The following FOXN4 variants were observed in gnomAD, a reference collection of about 807,000 sequenced individuals.
FOXN4 encodes the protein forkhead box protein N4.
A neutral mutation model predicts 45.0 loss-of-function variants in FOXN4; 12 were observed. The ratio of observed to expected loss-of-function variants is 0.27; its 90% CI spans 0.17 to 0.43. The LOEUF (loss-of-function observed/expected upper bound fraction) is 0.43. Ranked by LOEUF, FOXN4 falls within the 20% of genes least tolerant of loss-of-function variation. The probability of loss-of-function intolerance (pLI) is 1.00; values close to 1 mark genes in which losing one functional copy is unlikely to be tolerated. For synonymous variants in FOXN4, 297 were observed against 295.0 expected (o/e 1.01, Z -0.07); for missense variants, 560 against 694.9 (o/e 0.81, Z 2.18).
chr12:109,285,372 A>G lies in FOXN4; in HGVS notation c.833T>C (p.Met278Thr). Residue 278 changes from methionine (M) to threonine (T), a missense_variant, in exon 8 of 10, where the codon ATG becomes ACG. Around this residue, in one of 5 missense-constraint regions of FOXN4, gnomAD observed 315 missense variants for 350.5 expected, o/e 0.90. Transcript: ENST00000299162. ...CTTCCACTTGTGCATCTCCTCCTCC[A>G]TCTTGTCGATGCGGGCCAGGTTCAG... ...WALNLARIDK[M>T]EEEMHKWKRK... 20 of 1,613,674 alleles carry G rather than the reference A, an allele frequency of 1.2e-5. No individual in the cohort carries two copies. Among genetic ancestry groups the G allele is most frequent in the Non-Finnish European group, 1.7e-5 (20 of 1,179,858 alleles).
chr12:109,300,181 C>G (rs2047857019), intron 2 of FOXN4, among the ~76,000 whole-genome samples: 1 of 152,182 alleles, frequency 6.6e-6, no homozygotes, highest in Non-Finnish European at 1.5e-5. Context: ...GTGAAGACAG[C>G]CAACAGCAGG....
At position 109,290,010 on chromosome 12, in the gene FOXN4, CAG is replaced by C; in HGVS notation, c.232+129_232+130del. The stretch of plus-strand genomic sequence containing the variant: ...GGAAGGGAGCATTTGTCCCATTTTA[CAG>C]ATGCAGAAAGAGAGGCCCAGAGAGA... On this transcript the variant is annotated intron_variant, in intron 3 of 9. Transcript: ENST00000299162. This position sits in a 1 kb window ranked among gnomAD's most constrained non-coding sequence, Gnocchi z 5.1. 9.0e-7 allele frequency: 1 copy of C among 1,117,294 alleles called. No individual in the cohort carries two copies. The highest frequency in any genetic ancestry group is 1.2e-6 in the Non-Finnish European group (1 of 822,312). 69.2% of individuals were successfully genotyped at this position (1,117,294 alleles called of 1,614,324 possible).
rs1442050263 is a variant in FOXN4, at chr12:109,308,333, A to G, written c.-3-9T>C. ...TCACTTTCTATCATCTCCTTGGGAA[A>G]AGACAAGCAGAAAACAAAGCTCCCA... On this transcript the variant is annotated splice_polypyrimidine_tract_variant and intron_variant, in intron 1 of 9. Coordinates refer to ENST00000299162, the MANE Select transcript of FOXN4 (RefSeq NM_213596.3). 1 of 1,548,048 alleles carries G rather than the reference A, an allele frequency of 6.5e-7. No homozygotes were observed. The highest frequency in any genetic ancestry group is 2.4e-5 in the East Asian group (1 of 40,892).
rs761237474 is a variant in FOXN4 at position 109,285,392 on chromosome 12, G to A, written c.813C>T (p.Asn271=). The A allele has an allele frequency of 3.7e-6, 6 of 1,613,992 alleles. No homozygotes were observed. Residue 271 remains asparagine (N), a synonymous_variant, in exon 8 of 10, where the codon AAC becomes AAT. Coordinates refer to ENST00000299162, the MANE Select transcript of FOXN4 (RefSeq NM_213596.3). ...CCTCCATCTTGTCGATGCGGGCCAGGTTCAGAGCCCACAGGCAGCCCTTGC... is the reference window on the plus strand; with the variant it reads ...CCTCCATCTTGTCGATGCGGGCCAGATTCAGAGCCCACAGGCAGCCCTTGC... The part of the protein sequence containing the change: ...SSRKGCLWAL[N]LARIDKMEEE...
intron 8 of FOXN4, 44 bp downstream of exon 8, chr12:109,285,244 CGTGTGTGTGTGTGTGT>C: frequency 2.2e-6 from 3 of 1,353,236 alleles, no homozygotes; most frequent in Non-Finnish European, 3.0e-6. Context: ...CTTCCTCTTC[CGTGTGTGTGTGTGTGT>C]GTGTGTGTGT....
At chr12:109,299,252 T>G (rs2047845912) in intron 2 of FOXN4, among the ~76,000 whole-genome samples, 1 of 152,172 alleles carries the variant, frequency 6.6e-6, no homozygotes, top group Non-Finnish European at 1.5e-5. Context: ...TTCTTGCTTT[T>G]CAAAGCTCAG....
chr12:109,290,294 G>A lies in FOXN4; in HGVS notation c.87-8C>T. The A allele has an allele frequency of 6.5e-7, 1 of 1,540,044 alleles. No individual in the cohort carries two copies. The highest frequency in any genetic ancestry group is 8.8e-7 in the Non-Finnish European group (1 of 1,139,560). ...CTGGTGGTGGCTAGAAGCCTGCAAAGAGGAACAGAGAACTCGGGCGGGAGG... is the reference window on the plus strand; with the variant it reads ...CTGGTGGTGGCTAGAAGCCTGCAAAAAGGAACAGAGAACTCGGGCGGGAGG... On this transcript the variant is annotated splice_polypyrimidine_tract_variant and splice_region_variant and intron_variant, in intron 2 of 9. Coordinates refer to ENST00000299162, the MANE Select transcript of FOXN4 (RefSeq NM_213596.3). The surrounding 1 kb of genome is among the most constrained non-coding windows in gnomAD (Gnocchi z 5.1).
In FOXN4 at chr12:109,290,819, G is replaced by A. The variant is rs1398107615; in HGVS notation, c.87-533C>T. ...TGTGAGGAACATGGAACTTGGGAAC[G>A]GTCTGCGTGGATGATCCTGCCATGT... is the stretch of plus-strand genomic sequence containing the variant. On this transcript the variant is annotated intron_variant, in intron 2 of 9. Coordinates refer to ENST00000299162, the MANE Select transcript of FOXN4 (RefSeq NM_213596.3). The surrounding 1 kb of genome is among the most constrained non-coding windows in gnomAD (Gnocchi z 5.1). 1.3e-5 allele frequency among the ~76,000 whole-genome samples: 2 copies of A among 152,188 alleles called. No homozygotes were observed. Among genetic ancestry groups the A allele is most frequent in the Non-Finnish European group, 2.9e-5 (2 of 68,036 alleles).
rs1279664702 is a variant in FOXN4, at chr12:109,278,068, AGTTTCAACATCTTAT to A, written c.*1588_*1602del. The A allele has an allele frequency of 6.6e-6, 1 of 152,260 alleles. No individual in the cohort carries two copies. Among genetic ancestry groups the A allele is most frequent in the African/African-American group, 2.4e-5 (1 of 41,470 alleles). 9.4% of individuals were successfully genotyped at this position (152,260 alleles called of 1,614,324 possible). On this transcript the variant is annotated 3_prime_UTR_variant, in exon 10 of 10. Transcript: ENST00000299162. The stretch of plus-strand genomic sequence containing the variant: ...CAAACACGGAGTCTTTGTGAATAAC[AGTTTCAACATCTTAT>A]CAGGGGTCATGTTACACAAAGCAGA...
Position 109,281,519 on chromosome 12 carries a change from C to T in FOXN4, c.1182G>A (p.Pro394=), listed in dbSNP as rs539120607. Residue 394 remains proline, a synonymous_variant, in exon 9 of 10, where the codon CCG becomes CCA. Transcript: ENST00000299162. ...CCCTTCCCATGGCGGGGTGGGGGAG[C>T]GGGCTGGGGCTGAGGTCCGGCAGGG... The part of the protein sequence containing the change: ...LHALPDLSPS[P]LPHPAMGRAP... The T allele has an allele frequency of 6.6e-5, 107 of 1,613,632 alleles. No homozygotes were observed. The South Asian group carries it at 7.9e-4, about 12-fold the overall frequency.
intron 2 of FOXN4, among the ~76,000 whole-genome samples, chr12:109,294,995 C>T (rs1005863913): frequency 6.6e-6 from 1 of 152,226 alleles, no homozygotes; most frequent in Non-Finnish European, 1.5e-5. Flanking sequence ...TCTGGAACCA[C>T]CCATTCTGGC....
In FOXN4 at chr12:109,281,735, T is replaced by C. The variant is rs1313588812; in HGVS notation, c.966A>G (p.Glu322=). Residue 322 remains glutamate, a synonymous_variant, in exon 9 of 10, where the codon GAA becomes GAG. Transcript: ENST00000299162. ...ESCRRPGKPG[E]PEAPVLTHAT... ...CGTGAGTCAGCACGGGGGCCTCTGG[T>C]TCCCCCGGTTTGCCGGGGCGCCGGC... The C allele has an allele frequency of 3.1e-6, 5 of 1,607,412 alleles. No homozygotes were observed. The highest frequency in any genetic ancestry group is 2.2e-5 in the East Asian group (1 of 44,762).
rs868518430 is a variant in FOXN4 at position 109,287,970 on chromosome 12, A to C, written c.358-16T>G. The C allele has an allele frequency of 1.1e-5, 17 of 1,549,612 alleles. 1 individual carries two copies. In the Middle Eastern group the frequency reaches 2.5e-3, roughly 230 times the overall value. ...ACTGGCTCATCTGCTGGGCAGGAAGAGGAGGAGACAGAGGGTCACGGTGGG... is the reference window on the plus strand; with the variant it reads ...ACTGGCTCATCTGCTGGGCAGGAAGCGGAGGAGACAGAGGGTCACGGTGGG... On this transcript the variant is annotated splice_polypyrimidine_tract_variant and intron_variant, in intron 4 of 9. Coordinates refer to ENST00000299162, the MANE Select transcript of FOXN4 (RefSeq NM_213596.3). The surrounding 1 kb of genome is among the most constrained non-coding windows in gnomAD (Gnocchi z 4.1).
chr12:109,304,278 AGAAAGAAAGAAAGAAAG>A (rs1211127163), intron 2 of FOXN4, among the ~76,000 whole-genome samples: 9,858 of 83,632 alleles, frequency 0.12, 871 homozygotes, highest in Non-Finnish European at 0.14. Flanking sequence ...AAAGAAAGAA[AGAAAGAAAGAAAGAAAG>A]GAGAAAGAAA....
rs185738218 is a variant in FOXN4 at position 109,301,651 on chromosome 12, T to C, written c.86+6585A>G. Among the ~76,000 whole-genome samples, 672 of 152,376 alleles carry C rather than the reference T, an allele frequency of 4.4e-3. 4 individuals are homozygous for C. Among genetic ancestry groups the C allele is most frequent in the Middle Eastern group, 0.014 (4 of 294 alleles). ...CTTTCTCAGCCTAAATGATCTCTCC[T>C]GCAAGAGGCCCTCCCAGGCCCTCCC... On this transcript the variant is annotated intron_variant, in intron 2 of 9. Transcript: ENST00000299162.
intron 2 of FOXN4, among the ~76,000 whole-genome samples, chr12:109,304,296 G>GAAAGAAAGA (rs1566005777): frequency 3.2e-5 from 1 of 31,314 alleles, no homozygotes; most frequent in Non-Finnish European, 6.2e-5. Flanking sequence ...AGAAAGAAAG[G>GAAAGAAAGA]AGAAAGAAAG....
At chr12:109,297,198 CAGA>C (rs2047825632) in intron 2 of FOXN4, among the ~76,000 whole-genome samples, 2 of 152,226 alleles carry the variant, frequency 1.3e-5, no homozygotes, top group Non-Finnish European at 2.9e-5. Flanking sequence ...CCGGGCTGCA[CAGA>C]AGGAGGTGAG....
intron 2 of FOXN4, among the ~76,000 whole-genome samples, chr12:109,295,749 G>A (rs910041496): frequency 3.9e-5 from 6 of 152,200 alleles, no homozygotes; most frequent in African/African-American, 1.4e-4. Context: ...TCATGCCACT[G>A]CACTCCAGCC....
In FOXN4 at chr12:109,287,746, A is replaced by G. The variant is rs965458613; in HGVS notation, c.468+98T>C. On this transcript the variant is annotated intron_variant, in intron 5 of 9. Coordinates refer to ENST00000299162, the MANE Select transcript of FOXN4 (RefSeq NM_213596.3). This position sits in a 1 kb window ranked among gnomAD's most constrained non-coding sequence, Gnocchi z 4.1. Reference sequence around the variant, plus strand: ...TGAGCATGGAGGGAATGTTATCCCCATGTGCTGGGTGAGTAAACTGAGGCT... The same window carrying G: ...TGAGCATGGAGGGAATGTTATCCCCGTGTGCTGGGTGAGTAAACTGAGGCT... 2 of 1,210,986 alleles carry G rather than the reference A, an allele frequency of 1.7e-6. No homozygotes were observed. The highest frequency in any genetic ancestry group is 2.3e-6 in the Non-Finnish European group (2 of 886,786). The allele number at this position is 1,210,986 out of a possible 1,614,324, so 75.0% of individuals were successfully genotyped here. A position where few individuals can be genotyped will look rare whatever the true frequency, so the allele number is the denominator to read the frequency against.
Sources: gnomAD v4.1 joint callset for allele counts (sites outside exome capture counted in the v4.1 genomes callset) on GRCh38, gnomAD v4.1.1 for gene constraint, gnomAD v4.1.1 regional missense constraint, Gnocchi (gnomAD v3.1) non-coding constraint, MANE v1.5 for transcripts, NCBI Gene and HGNC (gene_info 2026-07-23, HGNC 2026-07-21) for gene names.